WDR72: variants seen among roughly 807,000 people sequenced by gnomAD.
WDR72 encodes WD repeat domain 72.
WDR72 carries 120 observed loss-of-function variants against 124.2 expected under a neutral mutation model. That is an observed-to-expected ratio of 0.97 (90% CI 0.83 to 1.12). The LOEUF (loss-of-function observed/expected upper bound fraction) is 1.12, where lower values mean the gene tolerates loss of function less well. Among genes scored for constraint, WDR72 ranks in the 50% most tolerant of loss-of-function variants. The probability of loss-of-function intolerance (pLI) is 0.00; values close to 1 mark genes in which losing one functional copy is unlikely to be tolerated. For synonymous variants in WDR72, 452 were observed against 441.7 expected, an observed-to-expected ratio of 1.02 and a Z score of -0.29; for missense variants, 1,387 against 1,278.8, an observed-to-expected ratio of 1.08 and a Z score of -1.29.
Position 53,634,474 on chromosome 15 carries a change from C to T in WDR72, c.1963-18231G>A, listed in dbSNP as rs115920815. ...TTGGGCCACACATAAAATATACTAACACTAATGATAGTTGATTAGCTAAAA... is the reference window on the plus strand; with the variant it reads ...TTGGGCCACACATAAAATATACTAATACTAATGATAGTTGATTAGCTAAAA... On this transcript the variant is annotated intron_variant, in intron 14 of 19. Coordinates refer to ENST00000360509, the MANE Select transcript of WDR72 (RefSeq NM_182758.4). Among the ~76,000 whole-genome samples the T allele has an allele frequency of 3.4e-3, 516 of 152,246 alleles. 2 individuals carry two copies. The highest frequency in any genetic ancestry group is 0.012 in the African/African-American group (492 of 41,540).
At chr15:53,687,381 T>C (rs1404725555) in intron 13 of WDR72, among the ~76,000 whole-genome samples, 1 of 149,866 alleles carries the variant, frequency 6.7e-6, no homozygotes, top group Non-Finnish European at 1.5e-5. Flanking sequence ...AAAGGGGATA[T>C]CACCACCAAT....
chr15:53,587,243 T>C (rs2012259572), intron 18 of WDR72, among the ~76,000 whole-genome samples: 1 of 152,020 alleles, frequency 6.6e-6, no homozygotes, highest in Non-Finnish European at 1.5e-5. Flanking sequence ...TACATATAAC[T>C]ATGGAGGAAT....
At position 53,609,524 on chromosome 15, in the gene WDR72, G is replaced by C. The variant is rs1205862024; in HGVS notation, c.2941C>G (p.Gln981Glu). The C allele has an allele frequency of 2.5e-6, 4 of 1,613,180 alleles. No homozygotes were observed. Among genetic ancestry groups the C allele is most frequent in the Non-Finnish European group, 3.4e-6 (4 of 1,179,440 alleles). Reference sequence around the variant, plus strand: ...GAATTATATCATACCTGCACAGACTGGTCTCTCCAACAGGAAATTAGCTTC... The same window carrying C: ...GAATTATATCATACCTGCACAGACTCGTCTCTCCAACAGGAAATTAGCTTC... ...LLKLISCWRDQSVQVTEAIQA... is the reference protein window; with the variant it reads ...LLKLISCWRDESVQVTEAIQA... Residue 981 changes from glutamine (Q) to glutamate (E), a missense_variant, in exon 17 of 20, where the codon CAG (glutamine) becomes GAG (glutamate). Transcript: ENST00000360509.
intron 13 of WDR72, among the ~76,000 whole-genome samples, chr15:53,696,541 T>C (rs1415016682): frequency 6.6e-6 from 1 of 152,242 alleles, no homozygotes; most frequent in Non-Finnish European, 1.5e-5. Flanking sequence ...CATGAGCAAG[T>C]ATATTCCATA....
At chr15:53,725,515 C>T (rs1171281692) in intron 2 of WDR72, among the ~76,000 whole-genome samples, 3 of 152,184 alleles carry the variant, frequency 2.0e-5, no homozygotes, top group Non-Finnish European at 2.9e-5. Flanking sequence ...CAAATGTTTA[C>T]AGTAGCTTTA....
intron 18 of WDR72, among the ~76,000 whole-genome samples, chr15:53,540,551 C>A: frequency 8.3e-6 from 1 of 120,534 alleles, no homozygotes; most frequent in Non-Finnish European, 1.8e-5. Flanking sequence ...CATAACAATA[C>A]AGCAAACCAA....
chr15:53,665,427 T>C, intron 14 of WDR72, 145 bp downstream of exon 14: 2 of 883,636 alleles, frequency 2.3e-6, no homozygotes, highest in South Asian at 1.5e-5. Flanking sequence ...GTTATACTGA[T>C]TCACCCAAGA....
intron 13 of WDR72, among the ~76,000 whole-genome samples, chr15:53,666,119 C>T (rs966621507): frequency 3.3e-5 from 5 of 152,146 alleles, no homozygotes; most frequent in African/African-American, 1.2e-4. Flanking sequence ...CCTAGTGTTC[C>T]AACTCACAAG....
chr15:53,640,985 A>C (rs2014827141), intron 14 of WDR72, among the ~76,000 whole-genome samples: 1 of 151,902 alleles, frequency 6.6e-6, no homozygotes, highest in African/African-American at 2.4e-5. Flanking sequence ...CAATTTTTTA[A>C]GTAGTAAAAA....
chr15:53,668,947 C>CAGGAGGAGGAGGAGGAGCAGG (rs143700484), intron 13 of WDR72, among the ~76,000 whole-genome samples: 1 of 83,790 alleles, frequency 1.2e-5, no homozygotes, highest in Non-Finnish European at 2.3e-5. Context: ...GGAGGAGGAG[C>CAGGAGGAGGAGGAGGAGCAGG]AGGAGGAGGA....
intron 9 of WDR72, 143 bp downstream of exon 9, chr15:53,710,714 A>G: frequency 1.4e-6 from 1 of 721,646 alleles, no homozygotes; most frequent in Non-Finnish European, 2.5e-6. Context: ...GCCATTGATA[A>G]TTAAACTTGA....
At chr15:53,539,951 TATAA>T (rs1236094518) in intron 18 of WDR72, among the ~76,000 whole-genome samples, 3 of 152,124 alleles carry the variant, frequency 2.0e-5, no homozygotes, top group African/African-American at 4.8e-5. Context: ...ATAGACAGGA[TATAA>T]ATAAATTTTT....
intron 18 of WDR72, among the ~76,000 whole-genome samples, chr15:53,552,537 G>C (rs928505065): frequency 6.6e-6 from 1 of 152,112 alleles, no homozygotes; most frequent in African/African-American, 2.4e-5. Flanking sequence ...AATGTTTATA[G>C]TTAATTTTAT....
chr15:53,714,734 C>G (rs1047238683), intron 5 of WDR72, among the ~76,000 whole-genome samples: 19 of 152,142 alleles, frequency 1.2e-4, no homozygotes, highest in Non-Finnish European at 1.5e-5. Context: ...CCACTAGAAG[C>G]AGAACCACAT....
chr15:53,609,713 G>T (rs771889488), intron 16 of WDR72, 121 bp from the exon 17 acceptor site: 2 of 783,800 alleles, frequency 2.6e-6, no homozygotes, highest in Non-Finnish European at 2.2e-6. Flanking sequence ...CCAATGCCCA[G>T]GTTCAATCTT....
Position 53,665,782 on chromosome 15 carries a change from T to C in WDR72, c.1766-14A>G, listed in dbSNP as rs374836150. 5.7e-5 allele frequency: 92 copies of C among 1,612,572 alleles called. No individual in the cohort carries two copies. In the African/African-American group the frequency reaches 1.0e-3, roughly 18 times the overall value. On this transcript the variant is annotated splice_polypyrimidine_tract_variant and intron_variant, in intron 13 of 19. Transcript: ENST00000360509. The stretch of plus-strand genomic sequence containing the variant: ...TTTCCAAAGTGCCTGGAAAACAAGA[T>C]TAGAGGTAAAAATGTCAGGAAAATA...
At chr15:53,589,255 G>C (rs1333350488) in intron 18 of WDR72, among the ~76,000 whole-genome samples, 2 of 151,868 alleles carry the variant, frequency 1.3e-5, no homozygotes, top group East Asian at 1.9e-4. Flanking sequence ...CATGGTCCTA[G>C]GATGGTGACT....
rs752574916 is a variant in WDR72, at chr15:53,705,008, T to G, written c.1328A>C (p.Glu443Ala). Residue 443 changes from glutamate (E) to alanine (A), a missense_variant, in exon 11 of 20, where the codon GAA (glutamate) becomes GCA (alanine). Coordinates refer to ENST00000360509, the MANE Select transcript of WDR72 (RefSeq NM_182758.4). ...AGGACCTTTTACTAAAGAACCACCTTCCAGAAGTCTTGCTTTGGCAGCATT... is the reference window on the plus strand; with the variant it reads ...AGGACCTTTTACTAAAGAACCACCTGCCAGAAGTCTTGCTTTGGCAGCATT... ...ALNAAKARLL[E>A]GGSLVKDSPP... is the part of the protein sequence containing the mutation. 6.2e-7 allele frequency: 1 copy of G among 1,613,962 alleles called. No individual in the cohort carries two copies. The highest frequency in any genetic ancestry group is 8.5e-7 in the Non-Finnish European group (1 of 1,179,992).
intron 14 of WDR72, among the ~76,000 whole-genome samples, chr15:53,631,525 G>T (rs947183706): frequency 5.9e-5 from 9 of 152,202 alleles, no homozygotes; most frequent in African/African-American, 1.7e-4. Context: ...ATTGGGTAAT[G>T]GGCAGAGGTT....
Sources: gnomAD v4.1 joint callset for allele counts (sites outside exome capture counted in the v4.1 genomes callset) on GRCh38, gnomAD v4.1.1 for gene constraint, MANE v1.5 for transcripts, NCBI Gene and HGNC (gene_info 2026-07-23, HGNC 2026-07-21) for gene names.